BICC1: variants seen among roughly 807,000 people sequenced by gnomAD.
BICC1 encodes BicC family RNA binding protein 1, also known as protein bicaudal C homolog 1.
BICC1 carries 43 observed loss-of-function variants against 111.0 expected under a neutral mutation model. The ratio of observed to expected loss-of-function variants is 0.39; its 90% CI spans 0.30 to 0.50. The LOEUF (loss-of-function observed/expected upper bound fraction) is 0.50, where lower values mean the gene tolerates loss of function less well. Ranked by LOEUF, BICC1 falls within the 20% of genes least tolerant of loss-of-function variation. The pLI is 0.88. For missense variants in BICC1, 1,091 were observed against 1,203.2 expected (o/e 0.91, Z 1.38); for synonymous variants, 467 against 434.4 (o/e 1.07, Z -0.93).
intron 1 of BICC1, among the ~76,000 whole-genome samples, chr10:58,538,354 A>G (rs1842877840): frequency 6.6e-6 from 1 of 151,956 alleles, no homozygotes. Flanking sequence ...GGCAAAGCGT[A>G]CAAAAACATA....
intron 3 of BICC1, among the ~76,000 whole-genome samples, chr10:58,782,470 A>G (rs2132771342): frequency 6.6e-6 from 1 of 152,334 alleles, no homozygotes; most frequent in Middle Eastern, 3.4e-3. Flanking sequence ...CATCACTTGG[A>G]AAGCCAGTGA....
At chr10:58,598,979 C>T (rs550334221) in intron 1 of BICC1, among the ~76,000 whole-genome samples, 24 of 152,204 alleles carry the variant, frequency 1.6e-4, no homozygotes, top group African/African-American at 3.9e-4. Context: ...GTTAGAATGG[C>T]GATCGTTAAA....
intron 3 of BICC1, among the ~76,000 whole-genome samples, chr10:58,775,079 A>G (rs1842713465): frequency 6.6e-6 from 1 of 152,144 alleles, no homozygotes; most frequent in Admixed American, 6.6e-5. Context: ...TTTGTTATTT[A>G]AGATATTTAA....
At chr10:58,586,819 G>A (rs1345531228) in intron 1 of BICC1, among the ~76,000 whole-genome samples, 1 of 152,130 alleles carries the variant, frequency 6.6e-6, no homozygotes, top group Non-Finnish European at 1.5e-5. Flanking sequence ...GTATGTTTAT[G>A]TGTCTGCAAG....
chr10:58,558,613 G>GT (rs1446457005), intron 1 of BICC1, among the ~76,000 whole-genome samples: 2 of 152,100 alleles, frequency 1.3e-5, no homozygotes, highest in Non-Finnish European at 2.9e-5. Context: ...GGCTGGCAGA[G>GT]TATGTCTCTT....
chr10:58,593,605 G>A (rs939552761), intron 1 of BICC1, among the ~76,000 whole-genome samples: 7 of 152,106 alleles, frequency 4.6e-5, no homozygotes, highest in Admixed American at 2.0e-4. Context: ...AAACAGGGTC[G>A]GGAGTGGACC....
chr10:58,769,701 T>C (rs1489486182), intron 3 of BICC1, among the ~76,000 whole-genome samples: 1 of 152,036 alleles, frequency 6.6e-6, no homozygotes, highest in Non-Finnish European at 1.5e-5. Context: ...TTGTTATTTT[T>C]GTTTAGAAAA....
intron 2 of BICC1, among the ~76,000 whole-genome samples, chr10:58,673,241 A>T (rs1301068961): frequency 6.6e-6 from 1 of 152,228 alleles, no homozygotes; most frequent in African/African-American, 2.4e-5. Flanking sequence ...TTGCAGAAAC[A>T]TACATGTAGA....
At chr10:58,563,513 T>C (rs1297504184) in intron 1 of BICC1, among the ~76,000 whole-genome samples, 1 of 152,200 alleles carries the variant, frequency 6.6e-6, no homozygotes, top group Non-Finnish European at 1.5e-5. Flanking sequence ...TTCTCTGTGA[T>C]ACTATCCTGA....
At chr10:58,677,906 G>T (rs1839394006) in intron 2 of BICC1, among the ~76,000 whole-genome samples, 1 of 151,744 alleles carries the variant, frequency 6.6e-6, no homozygotes, top group South Asian at 2.1e-4. Flanking sequence ...ATTCTTAAAA[G>T]AATTTTCAAC....
At chr10:58,700,129 G>T (rs553981731) in intron 2 of BICC1, among the ~76,000 whole-genome samples, 5 of 152,300 alleles carry the variant, frequency 3.3e-5, no homozygotes, top group Non-Finnish European at 7.3e-5. Flanking sequence ...AAATAAGTAA[G>T]TTCAGAAAAT....
In BICC1 at chr10:58,807,171, A is replaced by G. The variant is rs372057842; in HGVS notation, c.2376+13A>G. On this transcript the variant is annotated intron_variant, in intron 17 of 20. Transcript: ENST00000373886. ...AACCACTTATGAGGTTTGTAGAGTC[A>G]TGTCCTACTCATTCTTCCTGTCTGT... The G allele has an allele frequency of 4.4e-6, 7 of 1,607,232 alleles. No individual in the cohort carries two copies. The African/African-American group carries it at 5.4e-5, about 12-fold the overall frequency.
chr10:58,780,650 G>A (rs1187725330), intron 3 of BICC1, among the ~76,000 whole-genome samples: 1 of 152,138 alleles, frequency 6.6e-6, no homozygotes, highest in Non-Finnish European at 1.5e-5. Context: ...AAGGAAGAAG[G>A]AAGAGGCAGT....
At chr10:58,592,903 A>AG (rs1844677832) in intron 1 of BICC1, among the ~76,000 whole-genome samples, 1 of 132,108 alleles carries the variant, frequency 7.6e-6, no homozygotes, top group South Asian at 2.6e-4. Context: ...AAAAAAAAAA[A>AG]TCCTCTGCAT....
At chr10:58,791,779 T>C (rs1480095113) in intron 8 of BICC1, among the ~76,000 whole-genome samples, 1 of 152,060 alleles carries the variant, frequency 6.6e-6, no homozygotes, top group Non-Finnish European at 1.5e-5. Context: ...AAATGGAGCA[T>C]AGTATTTTAT....
intron 3 of BICC1, among the ~76,000 whole-genome samples, chr10:58,717,531 T>TA (rs943501214): frequency 6.6e-6 from 1 of 152,134 alleles, no homozygotes; most frequent in South Asian, 2.1e-4. Flanking sequence ...AAATAAGAGT[T>TA]AAAAAAATAA....
At chr10:58,695,686 T>C (rs1001438872) in intron 2 of BICC1, among the ~76,000 whole-genome samples, 1 of 152,214 alleles carries the variant, frequency 6.6e-6, no homozygotes. Flanking sequence ...TAGTAGAATA[T>C]TGCTGGCTTG....
At chr10:58,584,574 C>T (rs1417956053) in intron 1 of BICC1, among the ~76,000 whole-genome samples, 1 of 152,100 alleles carries the variant, frequency 6.6e-6, no homozygotes, top group African/African-American at 2.4e-5. Flanking sequence ...TTGTGATTGT[C>T]AGAGAATTTT....
chr10:58,533,515 G>A (rs1034954097), intron 1 of BICC1, among the ~76,000 whole-genome samples: 1 of 151,578 alleles, frequency 6.6e-6, no homozygotes, highest in African/African-American at 2.4e-5. Context: ...TTCCATGAAA[G>A]TTTTGATGTC....
Sources: allele counts gnomAD v4.1 joint callset (sites outside exome capture counted in the v4.1 genomes callset), GRCh38; gene constraint gnomAD v4.1.1; transcripts MANE v1.5; gene names NCBI Gene and HGNC (gene_info 2026-07-23, HGNC 2026-07-21).